LRRTM4: variants seen among roughly 807,000 people sequenced by gnomAD.
The protein encoded by LRRTM4 is leucine-rich repeat transmembrane neuronal protein 4.
In LRRTM4, 25 loss-of-function variants were observed where a neutral mutation model predicts 47.6. That is an observed-to-expected ratio of 0.53 (90% CI 0.38 to 0.73). The LOEUF (loss-of-function observed/expected upper bound fraction) is 0.73. Ranked by LOEUF, LRRTM4 falls within the 30% of genes least tolerant of loss-of-function variation. The pLI, the probability that LRRTM4 is intolerant of heterozygous loss-of-function variation, is 0.00. For missense variants in LRRTM4, 638 were observed against 713.4 expected (o/e 0.89, Z 1.20); for synonymous variants, 311 against 269.5 (o/e 1.15, Z -1.51).
chr2:76,810,198 T>G (rs1670692444), intron 3 of LRRTM4, among the ~76,000 whole-genome samples: 1 of 152,214 alleles, frequency 6.6e-6, no homozygotes, highest in Admixed American at 6.5e-5. Flanking sequence ...TGATGAACAA[T>G]TCTCCTTTAA....
chr2:76,797,618 T>G (rs1675413166), intron 3 of LRRTM4, among the ~76,000 whole-genome samples: 1 of 150,622 alleles, frequency 6.6e-6, no homozygotes, highest in Non-Finnish European at 1.5e-5. Flanking sequence ...CATAACAATA[T>G]TAACTTTAAA....
At chr2:77,510,315 C>T (rs937126442) in intron 3 of LRRTM4, among the ~76,000 whole-genome samples, 3 of 152,144 alleles carry the variant, frequency 2.0e-5, no homozygotes, top group African/African-American at 4.8e-5. Flanking sequence ...AGTGAAAGAA[C>T]GTATGTTTCA....
At chr2:77,183,138 T>A (rs1404373381) in intron 3 of LRRTM4, among the ~76,000 whole-genome samples, 1 of 151,912 alleles carries the variant, frequency 6.6e-6, no homozygotes, top group Admixed American at 6.6e-5. Flanking sequence ...ACTATCAGAG[T>A]GAACAGGCAA....
chr2:77,139,980 C>A (rs985869652), intron 3 of LRRTM4, among the ~76,000 whole-genome samples: 1 of 151,986 alleles, frequency 6.6e-6, no homozygotes, highest in Admixed American at 6.6e-5. Context: ...AAAGAGGACC[C>A]CAAAAAATCG....
chr2:77,164,733 C>T (rs914650115), intron 3 of LRRTM4, among the ~76,000 whole-genome samples: 7 of 151,888 alleles, frequency 4.6e-5, no homozygotes, highest in East Asian at 3.9e-4. Flanking sequence ...TAACAAAATG[C>T]GGGCAGAAAT....
chr2:77,363,521 CT>C (rs1672320279), intron 3 of LRRTM4, among the ~76,000 whole-genome samples: 1 of 152,110 alleles, frequency 6.6e-6, no homozygotes, highest in Non-Finnish European at 1.5e-5. Context: ...GGTAATTTCC[CT>C]TATGTCCTTT....
intron 3 of LRRTM4, among the ~76,000 whole-genome samples, chr2:77,272,877 T>C (rs1676243024): frequency 6.6e-6 from 1 of 152,198 alleles, no homozygotes; most frequent in South Asian, 2.1e-4. Context: ...GCCTCACATA[T>C]TCCTTTATAG....
chr2:77,474,268 A>G (rs1250373708), intron 3 of LRRTM4, among the ~76,000 whole-genome samples: 16 of 152,138 alleles, frequency 1.1e-4, no homozygotes, highest in Admixed American at 1.0e-3. Context: ...AATGGCTGAT[A>G]GAAAAAAACA....
At chr2:77,320,342 A>C (rs913754271) in intron 3 of LRRTM4, among the ~76,000 whole-genome samples, 2 of 152,108 alleles carry the variant, frequency 1.3e-5, no homozygotes, top group African/African-American at 4.8e-5. Context: ...TCTCACCCAC[A>C]CCCTTAATTT....
chr2:77,127,516 A>T (rs1265659492), intron 3 of LRRTM4, among the ~76,000 whole-genome samples: 1 of 152,174 alleles, frequency 6.6e-6, no homozygotes. Context: ...GGTCTACATG[A>T]CCCACAGAAT....
intron 3 of LRRTM4, among the ~76,000 whole-genome samples, chr2:77,369,936 T>C (rs1672600873): frequency 6.6e-6 from 1 of 151,848 alleles, no homozygotes; most frequent in African/African-American, 2.4e-5. Context: ...GTATATGCAG[T>C]TCATCATTGA....
At chr2:76,846,199 GC>G (rs2103953519) in intron 3 of LRRTM4, among the ~76,000 whole-genome samples, 1 of 152,140 alleles carries the variant, frequency 6.6e-6, no homozygotes, top group African/African-American at 2.4e-5. Flanking sequence ...ACGGGGAGTT[GC>G]AGAGACCAGA....
At chr2:76,830,390 T>C (rs555991963) in intron 3 of LRRTM4, among the ~76,000 whole-genome samples, 4 of 152,144 alleles carry the variant, frequency 2.6e-5, no homozygotes, top group Non-Finnish European at 5.9e-5. Flanking sequence ...TAAACCTTTT[T>C]CACCTTCTGA....
rs74499833 is a variant in LRRTM4, at chr2:76,850,675, C to T, written c.1552-101759G>A. Among the ~76,000 whole-genome samples, 1,392 of 152,262 alleles carry T rather than the reference C, an allele frequency of 9.1e-3. 10 individuals carry two copies. Among genetic ancestry groups the T allele is most frequent in the Middle Eastern group, 0.017 (5 of 294 alleles). ...TCACTGTCCTTTCCCCACCTCTGTT[C>T]ATCTGAAGCGACTATGTCACCATGC... On this transcript the variant is annotated intron_variant, in intron 3 of 3. Transcript: ENST00000409884.
At chr2:77,274,049 A>T (rs867700401) in intron 3 of LRRTM4, among the ~76,000 whole-genome samples, 1 of 152,048 alleles carries the variant, frequency 6.6e-6, no homozygotes, top group Non-Finnish European at 1.5e-5. Flanking sequence ...GGAATCCTTT[A>T]TGTTCACTCT....
chr2:77,323,475 A>G (rs1160542732), intron 3 of LRRTM4, among the ~76,000 whole-genome samples: 1 of 152,056 alleles, frequency 6.6e-6, no homozygotes, highest in Non-Finnish European at 1.5e-5. Context: ...TAAGCCAAAC[A>G]TTTCTGTTTG....
intron 3 of LRRTM4, among the ~76,000 whole-genome samples, chr2:76,844,697 A>G (rs1261036105): frequency 6.6e-6 from 1 of 152,158 alleles, no homozygotes; most frequent in Non-Finnish European, 1.5e-5. Flanking sequence ...TCTATTGACA[A>G]TTATGTCTGT....
At position 77,024,043 on chromosome 2, in the gene LRRTM4, G is replaced by T. The variant is rs183407387; in HGVS notation, c.1552-275127C>A. On this transcript the variant is annotated intron_variant, in intron 3 of 3. Transcript: ENST00000409884. ...TCGGGCGCAAAAGTGCTTTTTACAT[G>T]GCAGTGGCAAGAGAAAATGAGGGAA... is the stretch of plus-strand genomic sequence containing the variant. 2.9e-3 allele frequency among the ~76,000 whole-genome samples: 444 copies of T among 152,198 alleles called. 1 individual carries two copies. The highest frequency in any genetic ancestry group is 3.7e-3 in the Non-Finnish European group (255 of 68,026).
intron 3 of LRRTM4, among the ~76,000 whole-genome samples, chr2:77,278,840 C>T (rs1323136428): frequency 2.0e-5 from 3 of 151,944 alleles, no homozygotes; most frequent in Non-Finnish European, 4.4e-5. Flanking sequence ...CCATGACCAC[C>T]GTCATGGCCT....
Sources: gnomAD v4.1 joint callset for allele counts (sites outside exome capture counted in the v4.1 genomes callset) on GRCh38, gnomAD v4.1.1 for gene constraint, MANE v1.5 for transcripts, NCBI Gene and HGNC (gene_info 2026-07-23, HGNC 2026-07-21) for gene names.